The following TUBG1 variants were observed in gnomAD, a reference collection of about 807,000 sequenced individuals.
TUBG1 encodes the protein tubulin gamma 1.
A neutral mutation model predicts 53.3 loss-of-function variants in TUBG1; 22 were observed. That is an observed-to-expected ratio of 0.41 (90% CI 0.29 to 0.59). The LOEUF (loss-of-function observed/expected upper bound fraction) is 0.59. Among genes scored for constraint, TUBG1 ranks in the 20% least tolerant of loss-of-function variants. The pLI is 0.26. For missense variants in TUBG1, 217 were observed against 598.9 expected, an observed-to-expected ratio of 0.36 and a Z score of 6.66; for synonymous variants, 198 against 236.7, an observed-to-expected ratio of 0.84 and a Z score of 1.50.
Position 42,612,421 on chromosome 17 carries a change from A to C in TUBG1, c.400-6A>C, listed in dbSNP as rs202005162. ...CCTGTACACTGACTGCCCCTTCCCC[A>C]TGCAGGGCTTTGTGCTGTGTCACTC... On this transcript the variant is annotated splice_polypyrimidine_tract_variant and splice_region_variant and intron_variant, in intron 4 of 10. Transcript: ENST00000251413. 1.9e-6 allele frequency: 3 copies of C among 1,613,750 alleles called. No individual in the cohort carries two copies. Among genetic ancestry groups the C allele is most frequent in the Middle Eastern group, 1.7e-4 (1 of 6,058 alleles).
rs2093177253 is a variant in TUBG1, at chr17:42,609,704, C to CG, written c.-31dup. 1 of 1,539,962 alleles carries CG rather than the reference C, an allele frequency of 6.5e-7. No homozygotes were observed. The highest frequency in any genetic ancestry group is 1.4e-5 in the African/African-American group (1 of 72,702). The stretch of plus-strand genomic sequence containing the variant: ...GGCTGGCGTGCGGCGCCGTTGCGGG[C>CG]GGGAGCGGCTGCAACGCCGGTGCCT... On this transcript the variant is annotated 5_prime_UTR_variant, in exon 1 of 11. Transcript: ENST00000251413.
At position 42,615,108 on chromosome 17, in the gene TUBG1, C is replaced by A. The variant is rs376815535; in HGVS notation, c.*67C>A. 71 of 1,526,698 alleles carry A rather than the reference C, an allele frequency of 4.7e-5. 1 individual carries two copies. The highest frequency in any genetic ancestry group is 5.5e-5 in the Non-Finnish European group (61 of 1,107,664). 94.6% of individuals were successfully genotyped at this position (1,526,698 alleles called of 1,614,324 possible). On this transcript the variant is annotated 3_prime_UTR_variant, in exon 11 of 11. Transcript: ENST00000251413. ...CCAAGCCCTGCCTGACTGACCACCC[C>A]CTCAGAGCACAGATCAGGGACCTCA...
intron 7 of TUBG1, 48 bp downstream of exon 7, chr17:42,613,781 G>A (rs368750385): frequency 7.9e-5 from 127 of 1,614,006 alleles, no homozygotes; most frequent in Non-Finnish European, 1.0e-4. Flanking sequence ...CCTCCTTGTT[G>A]GAGGGTCATT....
chr17:42,615,029 C>A lies in TUBG1; in HGVS notation c.1344C>A (p.Thr448=), dbSNP rs1246342677. 1.9e-6 allele frequency: 3 copies of A among 1,614,008 alleles called. No individual in the cohort carries two copies. Among genetic ancestry groups the A allele is most frequent in the African/African-American group, 2.7e-5 (2 of 74,922 alleles). ...ATRPDYISWG[T]QEQ ...GGCCAGACTACATCTCCTGGGGCACCCAGGAGCAGTGAGTCCCCCAGGACA... is the reference window on the plus strand; with the variant it reads ...GGCCAGACTACATCTCCTGGGGCACACAGGAGCAGTGAGTCCCCCAGGACA... The change falls in exon 11 of 11, where the codon ACC becomes ACA. Residue 448 remains threonine (T), a synonymous_variant. Transcript: ENST00000251413.
chr17:42,614,548 C>T lies in TUBG1; in HGVS notation c.1049C>T (p.Pro350Leu), dbSNP rs1455910538. Residue 350 changes from proline (P) to leucine (L), a missense_variant, in exon 10 of 11, where the codon CCG becomes CTG. By Grantham distance (98) the Pro-to-Leu change is moderately conservative. Transcript: ENST00000251413. This position sits in a 1 kb window ranked among gnomAD's most constrained non-coding sequence, Gnocchi z 5.1. Reference sequence around the variant, plus strand: ...GAACGCAAGTTGGCCAACTTCATCCCGTGGGGCCCCGCCAGCATCCAGGTG... The same window carrying T: ...GAACGCAAGTTGGCCAACTTCATCCTGTGGGGCCCCGCCAGCATCCAGGTG... The part of the protein sequence containing the change: ...IRERKLANFI[P>L]WGPASIQVAL... 4 of 1,613,728 alleles carry T rather than the reference C, an allele frequency of 2.5e-6. No homozygotes were observed. The highest frequency in any genetic ancestry group is 2.7e-5 in the African/African-American group (2 of 74,912).
At chr17:42,611,591 C>CAA (rs1222100790) in intron 3 of TUBG1, among the ~76,000 whole-genome samples, 2 of 152,120 alleles carry the variant, frequency 1.3e-5, no homozygotes, top group African/African-American at 4.8e-5. Context: ...CGTGGTGGCT[C>CAA]ACGCCTGTAA....
Position 42,615,013 on chromosome 17 carries a change from A to G in TUBG1, c.1328A>G (p.Tyr443Cys). ...DEYHAATRPD[Y>C]ISWGTQEQ Reference sequence around the variant, plus strand: ...TACCATGCGGCCACACGGCCAGACTACATCTCCTGGGGCACCCAGGAGCAG... The same window carrying G: ...TACCATGCGGCCACACGGCCAGACTGCATCTCCTGGGGCACCCAGGAGCAG... The change falls in exon 11 of 11, where the codon TAC becomes TGC. Residue 443 changes from tyrosine (Y) to cysteine (C), a missense_variant. Around this residue, in one of 4 missense-constraint regions of TUBG1, gnomAD observed 25 missense variants for 32.4 expected, o/e 0.77. Coordinates refer to ENST00000251413, the MANE Select transcript of TUBG1 (RefSeq NM_001070.5). The G allele has an allele frequency of 1.2e-6, 2 of 1,614,130 alleles. No individual in the cohort carries two copies. Among genetic ancestry groups the G allele is most frequent in the South Asian group, 1.1e-5 (1 of 91,082 alleles).
At chr17:42,609,914 C>G in intron 1 of TUBG1, 128 bp downstream of exon 1, 24 of 1,403,130 alleles carry the variant, frequency 1.7e-5, no homozygotes, top group Non-Finnish European at 2.3e-5. Flanking sequence ...ATCCCTGACC[C>G]AGTGTCCACT....
At chr17:42,612,848 C>A in intron 5 of TUBG1, 99 bp from the exon 6 acceptor site, 1 of 1,519,474 alleles carries the variant, frequency 6.6e-7, no homozygotes. Context: ...ACCCCAGTTT[C>A]GCCATCAAGA....
chr17:42,614,368 A>G lies in TUBG1; in HGVS notation c.952A>G (p.Ile318Val). The G allele has an allele frequency of 1.2e-6, 2 of 1,613,916 alleles. No homozygotes were observed. Among genetic ancestry groups the G allele is most frequent in the Non-Finnish European group, 1.7e-6 (2 of 1,179,854 alleles). The change falls in exon 9 of 11, where the codon ATC becomes GTC. Residue 318 changes from isoleucine (I) to valine (V), a missense_variant. By Grantham distance (29) the Ile-to-Val change is conservative (BLOSUM62 3). Around this residue, in one of 4 missense-constraint regions of TUBG1, gnomAD observed 135 missense variants for 371.2 expected, o/e 0.36. Transcript: ENST00000251413. The surrounding 1 kb of genome is among the most constrained non-coding windows in gnomAD (Gnocchi z 5.1). ...AGACCGCCAGACCAACCACTGCTAC[A>G]TCGCCATCCTCAACATCATCCAGGG... The part of the protein sequence containing the change: ...GRDRQTNHCY[I>V]AILNIIQGEV...
chr17:42,614,631 A>G lies in TUBG1; in HGVS notation c.1132A>G (p.Met378Val), dbSNP rs759726685. Reference protein sequence around the residue: ...PSAHRVSGLMMANHTSISSLF... With the variant: ...PSAHRVSGLMVANHTSISSLF... ...GGCCCACCGGGTCAGCGGGCTCATG[A>G]TGGCCAACCACACCAGCATCTCCTC... Residue 378 changes from methionine to valine, a missense_variant, in exon 10 of 11, where the codon ATG becomes GTG. Met to Val is a conservative substitution (Grantham distance 21). Around this residue, in one of 4 missense-constraint regions of TUBG1, gnomAD observed 135 missense variants for 371.2 expected, o/e 0.36. Coordinates refer to ENST00000251413, the MANE Select transcript of TUBG1 (RefSeq NM_001070.5). The surrounding 1 kb of genome is among the most constrained non-coding windows in gnomAD (Gnocchi z 5.1). 13 of 1,613,850 alleles carry G rather than the reference A, an allele frequency of 8.1e-6. No homozygotes were observed. The highest frequency in any genetic ancestry group is 1.1e-5 in the Non-Finnish European group (13 of 1,179,902).
Position 42,615,216 on chromosome 17 carries a change from A to G in TUBG1, c.*175A>G. On this transcript the variant is annotated 3_prime_UTR_variant, in exon 11 of 11. Transcript: ENST00000251413. ...CCTCTTATGAGACTATTTATCTTTA[A>G]TAAAGCACTGGATATAAATCAAGTC... The G allele has an allele frequency of 1.6e-6, 1 of 617,654 alleles. No individual in the cohort carries two copies. The highest frequency in any genetic ancestry group is 2.8e-6 in the Non-Finnish European group (1 of 357,170). The allele number at this position is 617,654 out of a possible 1,614,324, so 38.3% of individuals were successfully genotyped here.
intron 1 of TUBG1, 34 bp from the exon 2 acceptor site, chr17:42,610,074 T>C (rs1362196230): frequency 2.5e-6 from 4 of 1,612,900 alleles, no homozygotes; most frequent in South Asian, 1.1e-5. Context: ...GACCTAGATA[T>C]CTTCTTTCTC....
At chr17:42,610,649 C>A in intron 3 of TUBG1, 59 bp downstream of exon 3, 1 of 1,608,638 alleles carries the variant, frequency 6.2e-7, no homozygotes, top group Non-Finnish European at 8.5e-7. Context: ...GGCTCTATGA[C>A]GTCCCGAAGA....
chr17:42,615,090 C>T lies in TUBG1; in HGVS notation c.*49C>T. ...TCTGCCTTACTGGTTGGCCCAAGCC[C>T]TGCCTGACTGACCACCCCCTCAGAG... On this transcript the variant is annotated 3_prime_UTR_variant, in exon 11 of 11. Transcript: ENST00000251413. 1 of 1,595,746 alleles carries T rather than the reference C, an allele frequency of 6.3e-7. No homozygotes were observed. The highest frequency in any genetic ancestry group is 8.6e-7 in the Non-Finnish European group (1 of 1,166,096).
chr17:42,613,854 T>C lies in TUBG1; in HGVS notation c.699T>C (p.Ser233=), dbSNP rs780123913. The C allele has an allele frequency of 1.7e-5, 27 of 1,614,020 alleles. No homozygotes were observed. Among genetic ancestry groups the C allele is most frequent in the South Asian group, 4.4e-5 (4 of 91,094 alleles). The change falls in exon 8 of 11, where the codon TCT becomes TCC. Residue 233 remains serine (S), a synonymous_variant. Transcript: ENST00000251413. Reference sequence around the variant, plus strand: ...CATGGCACGCCTGTCCCCAGGTGTCTACCATCATGTCAGCCAGCACCACCA... The same window carrying C: ...CATGGCACGCCTGTCCCCAGGTGTCCACCATCATGTCAGCCAGCACCACCA... ...PSFSQINQLV[S]TIMSASTTTL... is the part of the protein sequence containing the mutation.
chr17:42,612,854 C>G (rs2143453096), intron 5 of TUBG1, 93 bp from the exon 6 acceptor site: 1 of 1,544,168 alleles, frequency 6.5e-7, no homozygotes, highest in Non-Finnish European at 8.8e-7. Flanking sequence ...GTTTCGCCAT[C>G]AAGATTTATC....
Position 42,614,799 on chromosome 17 carries a change from A to T in TUBG1, c.1159-45A>T, listed in dbSNP as rs746816879. ...GTTCCCCAGCTTTCTGGGCCACGTTATTCTTTGAAGTTCTTTGTAACCCCT... is the reference window on the plus strand; with the variant it reads ...GTTCCCCAGCTTTCTGGGCCACGTTTTTCTTTGAAGTTCTTTGTAACCCCT... On this transcript the variant is annotated intron_variant, in intron 10 of 10. Coordinates refer to ENST00000251413, the MANE Select transcript of TUBG1 (RefSeq NM_001070.5). This position sits in a 1 kb window ranked among gnomAD's most constrained non-coding sequence, Gnocchi z 5.1. The T allele has an allele frequency of 1.3e-5, 21 of 1,612,916 alleles. No individual in the cohort carries two copies. The highest frequency in any genetic ancestry group is 1.6e-5 in the Non-Finnish European group (19 of 1,179,362).
rs764402934 is a variant in TUBG1, at chr17:42,614,806, GA to G, written c.1159-36del. The G allele has an allele frequency of 7.3e-5, 117 of 1,613,478 alleles. No individual in the cohort carries two copies. The highest frequency in any genetic ancestry group is 9.4e-5 in the Non-Finnish European group (111 of 1,179,700). On this transcript the variant is annotated intron_variant, in intron 10 of 10. Transcript: ENST00000251413. The surrounding 1 kb of genome is among the most constrained non-coding windows in gnomAD (Gnocchi z 5.1). ...AGCTTTCTGGGCCACGTTATTCTTT[GA>G]AGTTCTTTGTAACCCCTGTTTTCTG...
Sources: allele counts gnomAD v4.1 joint callset (sites outside exome capture counted in the v4.1 genomes callset), GRCh38; gene constraint gnomAD v4.1.1; regional missense constraint gnomAD v4.1.1; non-coding constraint Gnocchi (gnomAD v3.1); transcripts MANE v1.5; gene names NCBI Gene and HGNC (gene_info 2026-07-23, HGNC 2026-07-21).